PDE7B: variants seen among roughly 807,000 people sequenced by gnomAD.
PDE7B encodes the protein phosphodiesterase 7B.
In PDE7B, 29 loss-of-function variants were observed where a neutral mutation model predicts 56.2. The ratio of observed to expected loss-of-function variants is 0.52; its 90% CI spans 0.38 to 0.70. The LOEUF (loss-of-function observed/expected upper bound fraction) is 0.70, where lower values mean the gene tolerates loss of function less well. Ranked by LOEUF, PDE7B falls within the 30% of genes least tolerant of loss-of-function variation. The pLI is 0.00. For synonymous variants in PDE7B, 197 were observed against 196.9 expected (o/e 1.00, Z 0.00); for missense variants, 490 against 565.0 (o/e 0.87, Z 1.35).
chr6:136,022,067 A>T (rs6911611), intron 2 of PDE7B, among the ~76,000 whole-genome samples: 22,173 of 152,128 alleles, frequency 0.15, 3,602 homozygotes, highest in African/African-American at 0.4. Flanking sequence ...GGTCTTCCCA[A>T]GGGTTGCTTT....
rs565258159 is a variant in PDE7B at position 135,901,507 on chromosome 6, C to A, written c.22-45957C>A. On this transcript the variant is annotated intron_variant, in intron 1 of 12. Transcript: ENST00000308191. ...ACAGACCTTTTTTTGCAAGAATAAA[C>A]CTGAAAGGGGTGGGAGCTGAGATGG... 5.2e-3 allele frequency among the ~76,000 whole-genome samples: 794 copies of A among 152,124 alleles called. 2 individuals carry two copies. The highest frequency in any genetic ancestry group is 0.011 in the South Asian group (53 of 4,804).
At chr6:136,057,945 C>G (rs1020922181) in intron 2 of PDE7B, among the ~76,000 whole-genome samples, 10 of 152,218 alleles carry the variant, frequency 6.6e-5, no homozygotes, top group Non-Finnish European at 1.0e-4. Flanking sequence ...CCATGTTTTC[C>G]AGGCTGGTCT....
At chr6:135,968,337 C>A (rs1775034158) in intron 2 of PDE7B, among the ~76,000 whole-genome samples, 1 of 150,124 alleles carries the variant, frequency 6.7e-6, no homozygotes, top group African/African-American at 2.5e-5. Flanking sequence ...AGCTTCTCCA[C>A]AGCAAAGAAA....
At chr6:136,157,657 A>G (rs1306158852) in intron 8 of PDE7B, among the ~76,000 whole-genome samples, 1 of 152,206 alleles carries the variant, frequency 6.6e-6, no homozygotes, top group East Asian at 1.9e-4. Context: ...ATTTAGCTAC[A>G]AACAAATGTG....
intron 2 of PDE7B, among the ~76,000 whole-genome samples, chr6:135,983,683 T>C (rs1459594338): frequency 6.6e-6 from 1 of 152,228 alleles, no homozygotes; most frequent in African/African-American, 2.4e-5. Context: ...CAGTATCCTA[T>C]AGGCATTTCT....
chr6:136,012,368 C>T (rs923359022), intron 2 of PDE7B, among the ~76,000 whole-genome samples: 8 of 152,180 alleles, frequency 5.3e-5, no homozygotes, highest in African/African-American at 1.9e-4. Context: ...GAGGAGAAAT[C>T]AAGATTCCTG....
At chr6:135,993,357 C>T (rs1403199801) in intron 2 of PDE7B, among the ~76,000 whole-genome samples, 1 of 152,150 alleles carries the variant, frequency 6.6e-6, no homozygotes, top group Non-Finnish European at 1.5e-5. Flanking sequence ...CCTGGCTAAC[C>T]CTTGGAATTA....
intron 1 of PDE7B, among the ~76,000 whole-genome samples, chr6:135,876,422 A>C (rs971267700): frequency 1.3e-5 from 2 of 152,008 alleles, no homozygotes; most frequent in African/African-American, 4.8e-5. Context: ...TATTTTTCCT[A>C]CCTTATAATC....
intron 11 of PDE7B, 30 bp downstream of exon 11, chr6:136,181,353 A>T (rs756938508): frequency 1.4e-5 from 19 of 1,310,932 alleles, no homozygotes; most frequent in Non-Finnish European, 2.0e-5. Context: ...CTGAGATTTC[A>T]TTGCCCTGTC....
chr6:136,149,047 T>C, intron 4 of PDE7B, 40 bp from the exon 5 acceptor site: 1 of 1,409,936 alleles, frequency 7.1e-7, no homozygotes, highest in Non-Finnish European at 1.0e-6. Context: ...GAGTCTCCAG[T>C]GTGATTCATT....
intron 1 of PDE7B, among the ~76,000 whole-genome samples, chr6:135,898,683 A>T (rs1775944693): frequency 2.0e-5 from 3 of 152,184 alleles, no homozygotes; most frequent in Non-Finnish European, 4.4e-5. Context: ...AAGCGTAAAT[A>T]GCATGGCCAT....
chr6:135,853,477 A>T (rs1040783281), intron 1 of PDE7B, among the ~76,000 whole-genome samples: 3 of 152,180 alleles, frequency 2.0e-5, no homozygotes, highest in African/African-American at 7.2e-5. Context: ...ATCTTTTATT[A>T]CTGGCTGGTG....
chr6:136,106,731 T>G (rs1205897860), intron 2 of PDE7B, among the ~76,000 whole-genome samples: 2 of 152,176 alleles, frequency 1.3e-5, no homozygotes, highest in Admixed American at 1.3e-4. Context: ...AAATATACTG[T>G]CATGTTGTGA....
At chr6:136,179,583 G>A (rs914000033) in intron 10 of PDE7B, among the ~76,000 whole-genome samples, 24 of 152,090 alleles carry the variant, frequency 1.6e-4, no homozygotes, top group Admixed American at 1.1e-3. Flanking sequence ...GAGTAATCCC[G>A]CTGGATGCAG....
At chr6:136,125,347 G>T (rs1778005102) in intron 3 of PDE7B, among the ~76,000 whole-genome samples, 1 of 152,140 alleles carries the variant, frequency 6.6e-6, no homozygotes, top group South Asian at 2.1e-4. Context: ...GCCAAGGCAG[G>T]AGGATCGCTT....
At chr6:135,946,315 A>C (rs747708203) in intron 1 of PDE7B, among the ~76,000 whole-genome samples, 26 of 151,650 alleles carry the variant, frequency 1.7e-4, no homozygotes, top group Non-Finnish European at 3.7e-4. Context: ...ATGTAGCTCT[A>C]ATTCATTTTA....
At chr6:135,965,264 G>A (rs1391932283) in intron 2 of PDE7B, among the ~76,000 whole-genome samples, 1 of 152,184 alleles carries the variant, frequency 6.6e-6, no homozygotes, top group South Asian at 2.1e-4. Context: ...GCGGAGGTGA[G>A]GGTGCTGATT....
intron 2 of PDE7B, among the ~76,000 whole-genome samples, chr6:136,092,690 G>A (rs1365033893): frequency 6.6e-6 from 1 of 152,204 alleles, no homozygotes; most frequent in Non-Finnish European, 1.5e-5. Flanking sequence ...GATCCCAGGA[G>A]GCGGAGGTTG....
chr6:135,854,513 C>T (rs559555893), intron 1 of PDE7B, among the ~76,000 whole-genome samples: 1 of 152,252 alleles, frequency 6.6e-6, no homozygotes, highest in South Asian at 2.1e-4. Flanking sequence ...TATCTATGTT[C>T]TAGGGGGTAC....
Sources: gnomAD v4.1 joint callset for allele counts (sites outside exome capture counted in the v4.1 genomes callset) on GRCh38, gnomAD v4.1.1 for gene constraint, MANE v1.5 for transcripts, NCBI Gene and HGNC (gene_info 2026-07-23, HGNC 2026-07-21) for gene names.